Variants in TIMM23 observed in about 807,000 individuals in gnomAD.
TIMM23 encodes the protein translocase of inner mitochondrial membrane 23.
In TIMM23, 19 loss-of-function variants were observed where a neutral mutation model predicts 30.7. That is an observed-to-expected ratio of 0.62 (90% CI 0.43 to 0.91). The LOEUF (loss-of-function observed/expected upper bound fraction) is 0.91. Among genes scored for constraint, TIMM23 ranks in the 40% least tolerant of loss-of-function variants. The pLI, the probability that TIMM23 is intolerant of heterozygous loss-of-function variation, is 0.00. For missense variants in TIMM23, 202 were observed against 269.2 expected, an observed-to-expected ratio of 0.75 and a Z score of 1.75; for synonymous variants, 78 against 98.5, an observed-to-expected ratio of 0.79 and a Z score of 1.23.
chr10:45,980,944 CTT>C (rs782474869), intron 2 of TIMM23, among the ~76,000 whole-genome samples: 1 of 125,272 alleles, frequency 8.0e-6, no homozygotes. Context: ...GTTTTCTTTT[CTT>C]TTTTTTTTTT....
chr10:45,988,219 T>C lies in TIMM23; in HGVS notation c.404-518T>C, dbSNP rs1206208371. Among the ~76,000 whole-genome samples, 987 of 152,310 alleles carry C rather than the reference T, an allele frequency of 6.5e-3. 8 individuals are homozygous for C. Among genetic ancestry groups the C allele is most frequent in the Middle Eastern group, 0.034 (10 of 294 alleles). On this transcript the variant is annotated intron_variant, in intron 5 of 6. Transcript: ENST00000580018. ...CAAAAAGGGCATGCTCTACTACTAATAGACTGGGCACAGAAACCCAGCAAG... is the reference window on the plus strand; with the variant it reads ...CAAAAAGGGCATGCTCTACTACTAACAGACTGGGCACAGAAACCCAGCAAG...
chr10:46,000,419 C>T (rs2132286547), intron 6 of TIMM23, among the ~76,000 whole-genome samples: 1 of 152,360 alleles, frequency 6.6e-6, no homozygotes, highest in South Asian at 2.1e-4. Flanking sequence ...GGGGTCTCAC[C>T]ATGTTGCCCA....
chr10:45,991,175 G>A (rs1486565571), intron 6 of TIMM23, among the ~76,000 whole-genome samples: 2 of 152,204 alleles, frequency 1.3e-5, no homozygotes, highest in Non-Finnish European at 2.9e-5. Context: ...ATTTTCTGAT[G>A]TATCTGTTTG....
Position 45,988,741 on chromosome 10 carries a change from G to T in TIMM23, c.408G>T (p.Leu136Phe). 1 of 1,613,722 alleles carries T rather than the reference G, an allele frequency of 6.2e-7. No homozygotes were observed. The highest frequency in any genetic ancestry group is 8.5e-7 in the Non-Finnish European group (1 of 1,179,760). ...LWANTLGSLA[L>F]LYSAFGVIIE... is the part of the protein sequence containing the mutation. The stretch of plus-strand genomic sequence containing the variant: ...GCACTTCCATTTCCTCTTTAGCTTT[G>T]CTCTATAGTGCATTTGGTGTCATCA... Residue 136 changes from leucine to phenylalanine, a missense_variant, in exon 6 of 7, where the codon TTG becomes TTT. By Grantham distance (22) the Leu-to-Phe change is conservative. Transcript: ENST00000580018.
At chr10:45,979,514 C>T (rs1332709950) in intron 2 of TIMM23, among the ~76,000 whole-genome samples, 2 of 150,848 alleles carry the variant, frequency 1.3e-5, no homozygotes, top group Non-Finnish European at 2.9e-5. Flanking sequence ...CTTGGTTGCC[C>T]AGGCTGGTCT....
At chr10:45,999,182 C>T (rs1053275681) in intron 6 of TIMM23, among the ~76,000 whole-genome samples, 1 of 151,788 alleles carries the variant, frequency 6.6e-6, no homozygotes, top group African/African-American at 2.4e-5. Flanking sequence ...GCTTTGTTGC[C>T]CAGGCTGAAG....
intron 6 of TIMM23, among the ~76,000 whole-genome samples, chr10:45,995,365 T>A (rs370540792): frequency 0.025 from 3,788 of 150,206 alleles, 58 homozygotes; most frequent in Middle Eastern, 0.062. Context: ...TCCCTTGTGT[T>A]AGAAAATGGA....
chr10:45,992,781 C>T (rs1443599187), intron 6 of TIMM23: 3 of 340,194 alleles, frequency 8.8e-6, no homozygotes, highest in Non-Finnish European at 1.7e-5. Context: ...TGTTCTCGAT[C>T]CCCTGACCTC....
chr10:46,003,652 C>A lies in TIMM23; in HGVS notation c.*334C>A. Reference sequence around the variant, plus strand: ...GCTTGTTAGTACTATATCACCAAGTCCATTCATTTAATGATCCAAAACTGT... The same window carrying A: ...GCTTGTTAGTACTATATCACCAAGTACATTCATTTAATGATCCAAAACTGT... On this transcript the variant is annotated 3_prime_UTR_variant, in exon 7 of 7. Transcript: ENST00000580018. The A allele has an allele frequency of 5.3e-6, 1 of 188,988 alleles. No homozygotes were observed. Among genetic ancestry groups the A allele is most frequent in the East Asian group, 1.4e-4 (1 of 6,996 alleles). The allele number at this position is 188,988 out of a possible 1,614,324, so 11.7% of individuals were successfully genotyped here.
chr10:45,987,438 C>A (rs1838022124), intron 5 of TIMM23, among the ~76,000 whole-genome samples: 2 of 151,980 alleles, frequency 1.3e-5, no homozygotes, highest in Non-Finnish European at 2.9e-5. Flanking sequence ...AAAACTGAGC[C>A]CCACTTTGGA....
chr10:45,979,969 G>T (rs2132250342), intron 2 of TIMM23, among the ~76,000 whole-genome samples: 2 of 152,032 alleles, frequency 1.3e-5, no homozygotes, highest in Non-Finnish European at 2.9e-5. Flanking sequence ...TGCATTGCTA[G>T]GTGGGGCTTA....
chr10:45,996,515 C>G, intron 6 of TIMM23, among the ~76,000 whole-genome samples: 1 of 151,154 alleles, frequency 6.6e-6, no homozygotes, highest in East Asian at 1.9e-4. Context: ...GAAACAAGTT[C>G]CATTAAGTGC....
intron 1 of TIMM23, 126 bp downstream of exon 1, chr10:45,972,856 T>C: frequency 1.3e-6 from 2 of 1,520,212 alleles, no homozygotes; most frequent in East Asian, 2.5e-5. Flanking sequence ...TAAGTACCAG[T>C]GGTGGGGTTA....
chr10:45,996,309 C>T (rs1483799417), intron 6 of TIMM23, among the ~76,000 whole-genome samples: 1 of 144,222 alleles, frequency 6.9e-6, no homozygotes, highest in African/African-American at 2.8e-5. Context: ...TTGCAGTGAG[C>T]CGAGATTACA....
chr10:45,982,586 T>A lies in TIMM23; in HGVS notation c.229T>A (p.Phe77Ile). Reference sequence around the variant, plus strand: ...AACCCGGGGCAGATTTGAGCTGGCCTTCTTTACGATTGGAGGATGTTGCAT... The same window carrying A: ...AACCCGGGGCAGATTTGAGCTGGCCATCTTTACGATTGGAGGATGTTGCAT... The part of the protein sequence containing the change: ...NKTRGRFELA[F>I]FTIGGCCMTG... The change falls in exon 3 of 7, where the codon TTC (phenylalanine) becomes ATC (isoleucine). Residue 77 changes from phenylalanine to isoleucine, a missense_variant. By Grantham distance (21) the Phe-to-Ile change is conservative (BLOSUM62 0). Coordinates refer to ENST00000580018, the MANE Select transcript of TIMM23 (RefSeq NM_006327.4). 1 of 1,613,972 alleles carries A rather than the reference T, an allele frequency of 6.2e-7. No homozygotes were observed. Among genetic ancestry groups the A allele is most frequent in the Non-Finnish European group, 8.5e-7 (1 of 1,179,864 alleles).
intron 6 of TIMM23, among the ~76,000 whole-genome samples, chr10:45,996,964 C>CAAAAAAA (rs1467134430): frequency 1.8e-5 from 2 of 111,784 alleles, no homozygotes; most frequent in African/African-American, 3.6e-5. Context: ...GACCCTGTGT[C>CAAAAAAA]AAACAAAAAA....
In TIMM23 at chr10:45,980,257, CT is replaced by C. The variant is rs1165632314; in HGVS notation, c.166-2255del. 7.6e-3 allele frequency among the ~76,000 whole-genome samples: 1,100 copies of C among 144,360 alleles called. 5 individuals are homozygous for C. Among genetic ancestry groups the C allele is most frequent in the Non-Finnish European group, 0.012 (762 of 65,304 alleles). The allele number at this position is 144,360 out of a possible 152,430, so 94.7% of individuals were successfully genotyped here. On this transcript the variant is annotated intron_variant, in intron 2 of 6. Coordinates refer to ENST00000580018, the MANE Select transcript of TIMM23 (RefSeq NM_006327.4). ...CACCATGTCGTGACTTTGGCAACAA[CT>C]TTTTTTTTTTCTTGTTTAATAGTAG...
intron 5 of TIMM23, among the ~76,000 whole-genome samples, chr10:45,986,804 C>CAT (rs1365104324): frequency 6.0e-4 from 89 of 149,402 alleles, no homozygotes; most frequent in African/African-American, 2.0e-3. Context: ...ACTAGAAATA[C>CAT]GTGTGTGTGT....
chr10:45,974,427 T>G (rs1311545916), intron 1 of TIMM23, among the ~76,000 whole-genome samples: 16 of 152,162 alleles, frequency 1.1e-4, no homozygotes, highest in Admixed American at 6.5e-4. Flanking sequence ...AAATAGCTAG[T>G]GCAAATGTCC....
Sources: allele counts gnomAD v4.1 joint callset (sites outside exome capture counted in the v4.1 genomes callset), GRCh38; gene constraint gnomAD v4.1.1; transcripts MANE v1.5; gene names NCBI Gene and HGNC (gene_info 2026-07-23, HGNC 2026-07-21).